TAFA2: variants seen among roughly 807,000 people sequenced by gnomAD.
TAFA2 encodes the protein TAFA chemokine like family member 2.
A neutral mutation model predicts 18.8 loss-of-function variants in TAFA2; 7 were observed. The observed-to-expected ratio is 0.37, with a 90% CI of 0.21 to 0.70. TAFA2 has a LOEUF of 0.70. Among genes scored for constraint, TAFA2 ranks in the 30% least tolerant of loss-of-function variants. The pLI is 0.53. For missense variants in TAFA2, 122 were observed against 158.1 expected (o/e 0.77, Z 1.23); for synonymous variants, 60 against 54.2 (o/e 1.11, Z -0.47).
intron 1 of TAFA2, among the ~76,000 whole-genome samples, chr12:62,178,480 G>C (rs1184034704): frequency 6.6e-6 from 1 of 152,166 alleles, no homozygotes; most frequent in Admixed American, 6.5e-5. Flanking sequence ...TGAAGGGTCT[G>C]AGAGTTTACC....
chr12:62,162,367 C>T (rs568916964), intron 1 of TAFA2, among the ~76,000 whole-genome samples: 1 of 152,312 alleles, frequency 6.6e-6, no homozygotes, highest in South Asian at 2.1e-4. Flanking sequence ...GCAACAAATG[C>T]TGCTGTCAAG....
intron 1 of TAFA2, among the ~76,000 whole-genome samples, chr12:62,203,527 T>C (rs2062680160): frequency 6.6e-6 from 1 of 152,252 alleles, no homozygotes; most frequent in Non-Finnish European, 1.5e-5. Context: ...CCTCCTGTAT[T>C]GGGTGCCTAT....
intron 4 of TAFA2, among the ~76,000 whole-genome samples, chr12:61,724,933 C>A (rs953728063): frequency 1.4e-5 from 2 of 143,120 alleles, no homozygotes; most frequent in Admixed American, 1.4e-4. Context: ...TACATTCCCC[C>A]CAGCAGTGTA....
At chr12:61,899,578 G>A (rs565082466) in intron 1 of TAFA2, among the ~76,000 whole-genome samples, 4 of 152,166 alleles carry the variant, frequency 2.6e-5, no homozygotes, top group Middle Eastern at 3.4e-3. Flanking sequence ...TCACTATCAC[G>A]AGAACAACAT....
At chr12:61,915,248 A>T (rs1364128167) in intron 1 of TAFA2, among the ~76,000 whole-genome samples, 1 of 152,240 alleles carries the variant, frequency 6.6e-6, no homozygotes, top group Non-Finnish European at 1.5e-5. Context: ...CTTTCGATTA[A>T]TAGAGTTTAA....
At chr12:62,091,340 A>G (rs1868703146) in intron 1 of TAFA2, among the ~76,000 whole-genome samples, 1 of 152,012 alleles carries the variant, frequency 6.6e-6, no homozygotes, top group East Asian at 1.9e-4. Flanking sequence ...CATGCTTTGT[A>G]TGTAGTAGAT....
At chr12:62,164,606 A>G (rs2062427208) in intron 1 of TAFA2, among the ~76,000 whole-genome samples, 1 of 152,124 alleles carries the variant, frequency 6.6e-6, no homozygotes, top group Non-Finnish European at 1.5e-5. Context: ...TACCCATATG[A>G]CAAACCTGTA....
intron 4 of TAFA2, among the ~76,000 whole-genome samples, chr12:61,751,593 TA>T (rs1263104777): frequency 6.6e-6 from 1 of 151,948 alleles, no homozygotes; most frequent in Non-Finnish European, 1.5e-5. Context: ...TATAATGTCT[TA>T]AATAAGGTCC....
Position 62,000,221 on chromosome 12 carries a change from T to C in TAFA2, c.-1-132795A>G, listed in dbSNP as rs1880335008. Among the ~76,000 whole-genome samples the C allele has an allele frequency of 1.7e-5, 2 of 114,388 alleles. 1 individual carries two copies. Among genetic ancestry groups the C allele is most frequent in the Non-Finnish European group, 3.9e-5 (2 of 51,762 alleles). 75.0% of individuals were successfully genotyped at this position (114,388 alleles called of 152,430 possible). ...CATTAGCATTCTAATGCATACTGCC[T>C]GTGTAGTCCTTTACTTTCTTCAGAG... On this transcript the variant is annotated intron_variant, in intron 1 of 4. Coordinates refer to ENST00000416284, the MANE Select transcript of TAFA2 (RefSeq NM_178539.5).
chr12:61,963,926 A>G (rs1213443985), intron 1 of TAFA2, among the ~76,000 whole-genome samples: 2 of 152,092 alleles, frequency 1.3e-5, no homozygotes, highest in East Asian at 3.9e-4. Flanking sequence ...ATAATGCCAC[A>G]CATGTACAAT....
intron 1 of TAFA2, among the ~76,000 whole-genome samples, chr12:62,170,307 G>A (rs1009459613): frequency 6.6e-6 from 1 of 152,218 alleles, no homozygotes; most frequent in Non-Finnish European, 1.5e-5. Context: ...TAAGTCATTA[G>A]CATCACATTG....
chr12:61,733,979 G>A (rs1338466157), intron 4 of TAFA2, among the ~76,000 whole-genome samples: 2 of 147,942 alleles, frequency 1.4e-5, no homozygotes, highest in Non-Finnish European at 3.0e-5. Flanking sequence ...TCCTTGAAGA[G>A]GTCCTTCACA....
intron 4 of TAFA2, among the ~76,000 whole-genome samples, chr12:61,715,304 T>C (rs1869600944): frequency 6.6e-6 from 1 of 152,094 alleles, no homozygotes; most frequent in African/African-American, 2.4e-5. Context: ...GGTGTGGTGG[T>C]TCAGGCCTGT....
intron 4 of TAFA2, among the ~76,000 whole-genome samples, chr12:61,733,881 G>C (rs540672339): frequency 6.7e-6 from 1 of 149,188 alleles, no homozygotes. Context: ...CCATTTTCAT[G>C]ATATTGATTC....
At chr12:62,001,926 T>C (rs1309151369) in intron 1 of TAFA2, among the ~76,000 whole-genome samples, 1 of 152,100 alleles carries the variant, frequency 6.6e-6, no homozygotes, top group Non-Finnish European at 1.5e-5. Flanking sequence ...TTAATACAAA[T>C]AAAACTTGGA....
intron 1 of TAFA2, among the ~76,000 whole-genome samples, chr12:62,077,600 C>T (rs1230328694): frequency 2.0e-5 from 3 of 152,114 alleles, no homozygotes; most frequent in Admixed American, 6.5e-5. Flanking sequence ...ATAAAGCATG[C>T]AATAAATTTT....
intron 1 of TAFA2, among the ~76,000 whole-genome samples, chr12:62,147,783 C>G (rs978698506): frequency 1.4e-5 from 2 of 143,446 alleles, no homozygotes; most frequent in East Asian, 4.0e-4. Flanking sequence ...AGACAACCTA[C>G]AGAATGTGAA....
chr12:61,992,171 G>A (rs1257905777), intron 1 of TAFA2, among the ~76,000 whole-genome samples: 1 of 152,112 alleles, frequency 6.6e-6, no homozygotes, highest in Non-Finnish European at 1.5e-5. Context: ...CTGAAATCCA[G>A]ACACATAACC....
chr12:61,902,627 T>C (rs1876156099), intron 1 of TAFA2, among the ~76,000 whole-genome samples: 1 of 152,194 alleles, frequency 6.6e-6, no homozygotes, highest in Admixed American at 6.5e-5. Flanking sequence ...CCTCAGGCCC[T>C]GTTAGAGCCT....
Sources: gnomAD v4.1 joint callset for allele counts (sites outside exome capture counted in the v4.1 genomes callset) on GRCh38, gnomAD v4.1.1 for gene constraint, MANE v1.5 for transcripts, NCBI Gene and HGNC (gene_info 2026-07-23, HGNC 2026-07-21) for gene names.